The following SNX29 variants were observed in gnomAD, a reference collection of about 807,000 sequenced individuals.
The protein encoded by SNX29 is sorting nexin-29.
In SNX29, 78 loss-of-function variants were observed where a neutral mutation model predicts 102.1. The ratio of observed to expected loss-of-function variants is 0.76; its 90% CI spans 0.64 to 0.92. The LOEUF (loss-of-function observed/expected upper bound fraction) is 0.92. Ranked by LOEUF, SNX29 falls within the 40% of genes least tolerant of loss-of-function variation. The pLI is 0.00. For missense variants in SNX29, 1,280 were observed against 1,061.7 expected (o/e 1.21, Z -2.86); for synonymous variants, 580 against 414.5 (o/e 1.40, Z -4.85).
At chr16:12,038,584 T>C (rs1352144721) in intron 4 of SNX29, 1 of 152,234 alleles carries the variant, frequency 6.6e-6, no homozygotes, top group Non-Finnish European at 1.5e-5. Flanking sequence ...AGCTGCGCTT[T>C]AAATAGACCA....
chr16:12,524,595 G>C lies in SNX29; in HGVS notation c.2179-107G>C, dbSNP rs745569930. The stretch of plus-strand genomic sequence containing the variant: ...TTCATACGAGATAGTTGCTCAATCA[G>C]TGTTGGTTGCCTGGATGGCGCTGAT... On this transcript the variant is annotated intron_variant, in intron 19 of 20. Coordinates refer to ENST00000566228, the MANE Select transcript of SNX29 (RefSeq NM_032167.5). 5.0e-5 allele frequency: 67 copies of C among 1,333,182 alleles called. 2 individuals carry two copies. In the Middle Eastern group the frequency reaches 3.7e-3, roughly 74 times the overall value. 82.6% of individuals were successfully genotyped at this position (1,333,182 alleles called of 1,614,324 possible). A position where few individuals can be genotyped will look rare whatever the true frequency, so the allele number is the denominator to read the frequency against.
In SNX29 at chr16:12,211,279, G is replaced by C. The variant is rs2077176479; in HGVS notation, c.1678+11596G>C. ...AACATATAAGCAAGCAGGTAATTTC[G>C]AATACATATTCTGATACAGCCCAAC... On this transcript the variant is annotated intron_variant, in intron 14 of 20. Coordinates refer to ENST00000566228, the MANE Select transcript of SNX29 (RefSeq NM_032167.5). Among the ~76,000 whole-genome samples, 3 of 152,092 alleles carry C rather than the reference G, an allele frequency of 2.0e-5. No homozygotes were observed. The South Asian group carries it at 6.2e-4, about 32-fold the overall frequency.
intron 8 of SNX29, among the ~76,000 whole-genome samples, chr16:12,053,967 G>GT (rs753961907): frequency 0.028 from 4,035 of 146,716 alleles, 117 homozygotes; most frequent in Admixed American, 0.035. Context: ...TATATTGTCA[G>GT]TTTTTGTTTT....
intron 15 of SNX29, among the ~76,000 whole-genome samples, chr16:12,313,082 C>T (rs2080615094): frequency 6.6e-6 from 1 of 151,640 alleles, no homozygotes; most frequent in Non-Finnish European, 1.5e-5. Context: ...GGGGCGATCT[C>T]GGCTTACTAC....
chr16:12,216,775 T>A (rs950125119), intron 14 of SNX29, among the ~76,000 whole-genome samples: 14 of 131,092 alleles, frequency 1.1e-4, no homozygotes, highest in African/African-American at 3.7e-4. Context: ...TCAAATTCAC[T>A]CGCTTTCTCC....
intron 14 of SNX29, among the ~76,000 whole-genome samples, chr16:12,233,237 A>G (rs919780794): frequency 1.2e-4 from 18 of 152,300 alleles, no homozygotes; most frequent in South Asian, 8.3e-4. Context: ...GTACATATAC[A>G]CTATGGGATA....
Position 12,539,660 on chromosome 16 carries a change from T to C in SNX29, c.2318+14819T>C, listed in dbSNP as rs147008041. Among the ~76,000 whole-genome samples, 311 of 152,288 alleles carry C rather than the reference T, an allele frequency of 2.0e-3. 1 individual carries two copies. The highest frequency in any genetic ancestry group is 7.2e-3 in the African/African-American group (300 of 41,570). On this transcript the variant is annotated intron_variant, in intron 20 of 20. Coordinates refer to ENST00000566228, the MANE Select transcript of SNX29 (RefSeq NM_032167.5). ...TAAGAAACTGCATTCCCACAGCGTATGAGGGGCCCAGTTGCTCTGCACCCT... is the reference window on the plus strand; with the variant it reads ...TAAGAAACTGCATTCCCACAGCGTACGAGGGGCCCAGTTGCTCTGCACCCT...
chr16:12,554,973 G>T (rs965869286), intron 20 of SNX29, among the ~76,000 whole-genome samples: 1 of 151,592 alleles, frequency 6.6e-6, no homozygotes, highest in Non-Finnish European at 1.5e-5. Context: ...GGTGAGGGGG[G>T]TCAGTCAGCC....
chr16:12,016,360 C>T (rs1190070616), intron 3 of SNX29, among the ~76,000 whole-genome samples: 1 of 152,066 alleles, frequency 6.6e-6, no homozygotes, highest in Non-Finnish European at 1.5e-5. Flanking sequence ...AGTTGGGTTG[C>T]TGAGTCAGAG....
chr16:12,099,588 C>T (rs149211818), intron 11 of SNX29, among the ~76,000 whole-genome samples: 18 of 152,250 alleles, frequency 1.2e-4, no homozygotes, highest in Middle Eastern at 3.4e-3. Flanking sequence ...CGTTCTGGCC[C>T]GGACTCCCGG....
chr16:12,553,484 C>T (rs977394275), intron 20 of SNX29, among the ~76,000 whole-genome samples: 1 of 152,162 alleles, frequency 6.6e-6, no homozygotes, highest in South Asian at 2.1e-4. Flanking sequence ...GCTGCTTAGA[C>T]CAGGCAGGGC....
At chr16:12,154,320 T>A (rs529811352) in intron 13 of SNX29, among the ~76,000 whole-genome samples, 2 of 150,832 alleles carry the variant, frequency 1.3e-5, no homozygotes, top group South Asian at 4.2e-4. Flanking sequence ...AGGGCTTTTC[T>A]AGGGCAGGCT....
intron 20 of SNX29, among the ~76,000 whole-genome samples, chr16:12,550,194 G>C (rs182853325): frequency 6.6e-6 from 1 of 152,192 alleles, no homozygotes; most frequent in African/African-American, 2.4e-5. Flanking sequence ...TTATTACTAA[G>C]AGGATAAAGC....
intron 17 of SNX29, among the ~76,000 whole-genome samples, chr16:12,398,980 G>T (rs1173459210): frequency 6.6e-6 from 1 of 152,118 alleles, no homozygotes; most frequent in East Asian, 1.9e-4. Flanking sequence ...TCCATGCCTT[G>T]GTCGGATTTT....
chr16:11,995,024 C>G (rs2056005012), intron 1 of SNX29, among the ~76,000 whole-genome samples: 1 of 152,182 alleles, frequency 6.6e-6, no homozygotes, highest in Non-Finnish European at 1.5e-5. Flanking sequence ...ATAAGTGGTC[C>G]TGAGACCACC....
At chr16:12,441,046 C>G (rs1238991794) in intron 18 of SNX29, among the ~76,000 whole-genome samples, 5 of 150,722 alleles carry the variant, frequency 3.3e-5, no homozygotes, top group Admixed American at 3.3e-4. Flanking sequence ...GCGTAATATC[C>G]TCAAGTTTCA....
intron 14 of SNX29, among the ~76,000 whole-genome samples, chr16:12,230,772 G>C (rs1361366229): frequency 2.0e-5 from 3 of 152,120 alleles, no homozygotes; most frequent in Non-Finnish European, 4.4e-5. Flanking sequence ...CGTTGGAGTT[G>C]CAATTGTGAC....
intron 18 of SNX29, among the ~76,000 whole-genome samples, chr16:12,448,398 A>G (rs1362829847): frequency 6.6e-6 from 1 of 152,112 alleles, no homozygotes; most frequent in Non-Finnish European, 1.5e-5. Context: ...ATACATTGCC[A>G]TATCTTCAAT....
At chr16:12,551,084 C>T (rs960069833) in intron 20 of SNX29, among the ~76,000 whole-genome samples, 1 of 152,112 alleles carries the variant, frequency 6.6e-6, no homozygotes, top group Non-Finnish European at 1.5e-5. Flanking sequence ...CCATGTGATC[C>T]TCTCTTTGCT....
Sources: allele counts gnomAD v4.1 joint callset (sites outside exome capture counted in the v4.1 genomes callset), GRCh38; gene constraint gnomAD v4.1.1; transcripts MANE v1.5; gene names NCBI Gene and HGNC (gene_info 2026-07-23, HGNC 2026-07-21).